The following BRWD1 variants were observed in gnomAD, a reference collection of about 807,000 sequenced individuals.
The protein encoded by BRWD1 is bromodomain and WD repeat-containing protein 1.
In BRWD1, 82 loss-of-function variants were observed where a neutral mutation model predicts 251.2. The ratio of observed to expected loss-of-function variants is 0.33; its 90% CI spans 0.27 to 0.39. The LOEUF is 0.39. Ranked by LOEUF, BRWD1 falls within the 10% of genes least tolerant of loss-of-function variation. The pLI is 1.00. For synonymous variants in BRWD1, 918 were observed against 902.8 expected (o/e 1.02, Z -0.30); for missense variants, 2,233 against 2,711.6 (o/e 0.82, Z 3.92).
At chr21:39,276,013 C>T (rs941759605) in intron 12 of BRWD1, among the ~76,000 whole-genome samples, 160 bp downstream of exon 12, 5 of 151,786 alleles carry the variant, frequency 3.3e-5, no homozygotes, top group South Asian at 2.1e-4. Context: ...GCCTGGGCAA[C>T]GAGAGCGAAA....
chr21:39,313,674 G>A (rs1261108858), upstream of BRWD1: 11 of 415,190 alleles, frequency 2.6e-5, no homozygotes, highest in Non-Finnish European at 4.1e-5. Flanking sequence ...TCCTCCGCGG[G>A]AGACGAAAAG....
At chr21:39,260,601 C>G (rs746401762) in intron 17 of BRWD1, among the ~76,000 whole-genome samples, 1 of 152,176 alleles carries the variant, frequency 6.6e-6, no homozygotes, top group Non-Finnish European at 1.5e-5. Flanking sequence ...CCATAAACAA[C>G]TACAATACTG....
At position 39,187,170 on chromosome 21, in the gene BRWD1, A is replaced by C. The variant is rs1448751487; in HGVS notation, c.*9089T>G. ...TCAGTAATTTTTTCTTAGCCGCAGC[A>C]GAAGCATTTCGATGGGGCAGTTTTC... On this transcript the variant is annotated 3_prime_UTR_variant, in exon 41 of 41. Transcript: ENST00000342449. 1.2e-6 allele frequency: 2 copies of C among 1,613,724 alleles called. No individual in the cohort carries two copies. Among genetic ancestry groups the C allele is most frequent in the Non-Finnish European group, 1.7e-6 (2 of 1,179,926 alleles).
intron 34 of BRWD1, among the ~76,000 whole-genome samples, chr21:39,211,880 TG>T (rs2032674762): frequency 1.3e-5 from 2 of 152,166 alleles, no homozygotes; most frequent in Admixed American, 1.3e-4. Context: ...TAAAATGATC[TG>T]GGCTAAAATG....
In BRWD1 at chr21:39,294,046, T is replaced by C. The variant is rs972975332; in HGVS notation, c.610-14A>G. 7.5e-6 allele frequency: 12 copies of C among 1,600,190 alleles called. No homozygotes were observed. The highest frequency in any genetic ancestry group is 1.0e-5 in the Non-Finnish European group (12 of 1,169,068). ...GTCATCTGAACCCTAAGAAAAAATA[T>C]ATCCAAAAATTAATGTTAGTACAGC... On this transcript the variant is annotated splice_polypyrimidine_tract_variant and intron_variant, in intron 7 of 40. Coordinates refer to ENST00000342449, the MANE Select transcript of BRWD1 (RefSeq NM_033656.4).
Position 39,224,544 on chromosome 21 carries a change from A to G in BRWD1, c.3321-75T>C, listed in dbSNP as rs560368924. 261 of 1,001,054 alleles carry G rather than the reference A, an allele frequency of 2.6e-4. 1 individual carries two copies. The highest frequency in any genetic ancestry group is 3.7e-4 in the Non-Finnish European group (246 of 661,250). The allele number at this position is 1,001,054 out of a possible 1,614,324, so 62.0% of individuals were successfully genotyped here. The stretch of plus-strand genomic sequence containing the variant: ...TGGATAATAGGTATCCATTATAAAA[A>G]TACAAAATGTGAAAATTAACCTCAC... On this transcript the variant is annotated intron_variant, in intron 28 of 40. Coordinates refer to ENST00000342449, the MANE Select transcript of BRWD1 (RefSeq NM_033656.4).
intron 19 of BRWD1, among the ~76,000 whole-genome samples, chr21:39,252,302 A>G (rs896790383): frequency 2.0e-5 from 3 of 152,118 alleles, no homozygotes; most frequent in Non-Finnish European, 4.4e-5. Flanking sequence ...TTATTGGATC[A>G]AGACAAACTA....
Position 39,187,514 on chromosome 21 carries a change from T to C in BRWD1, c.*8745A>G, listed in dbSNP as rs2031309638. 7.0e-7 allele frequency: 1 copy of C among 1,432,952 alleles called. No individual in the cohort carries two copies. The highest frequency in any genetic ancestry group is 3.0e-5 in the Admixed American group (1 of 32,814). 88.8% of individuals were successfully genotyped at this position (1,432,952 alleles called of 1,614,324 possible). A position where few individuals can be genotyped will look rare whatever the true frequency, so the allele number is the denominator to read the frequency against. ...CTCAACAACACTCATTCGGAAACAA[T>C]AAATTTAAAAGTCATATTGCTAAAT... On this transcript the variant is annotated 3_prime_UTR_variant, in exon 41 of 41. Transcript: ENST00000342449.
intron 21 of BRWD1, among the ~76,000 whole-genome samples, chr21:39,242,181 T>A (rs1682072487): frequency 6.6e-6 from 1 of 152,226 alleles, no homozygotes; most frequent in Non-Finnish European, 1.5e-5. Context: ...GTAGCCAAGT[T>A]GTGAATGCAA....
intron 31 of BRWD1, among the ~76,000 whole-genome samples, chr21:39,215,830 C>T (rs193130058): frequency 3.6e-4 from 55 of 152,084 alleles, no homozygotes; most frequent in African/African-American, 1.3e-3. Flanking sequence ...CCCAAATTTA[C>T]CAAAAATTAA....
chr21:39,205,131 G>A (rs939230345), intron 37 of BRWD1, among the ~76,000 whole-genome samples: 2 of 152,088 alleles, frequency 1.3e-5, no homozygotes, highest in African/African-American at 4.8e-5. Flanking sequence ...AGTCTTTTCA[G>A]AATGTACAGT....
At chr21:39,200,482 TTAC>T in intron 38 of BRWD1, 96 bp from the exon 39 acceptor site, 1 of 1,004,906 alleles carries the variant, frequency 1.0e-6, no homozygotes, top group South Asian at 2.3e-5. Flanking sequence ...TTACATAACA[TTAC>T]TACAAAAGCA....
At position 39,189,584 on chromosome 21, in the gene BRWD1, A is replaced by G. The variant is rs1235361737; in HGVS notation, c.*6675T>C. The G allele has an allele frequency of 3.1e-6, 3 of 983,542 alleles. No homozygotes were observed. Among genetic ancestry groups the G allele is most frequent in the Non-Finnish European group, 3.6e-6 (3 of 828,322 alleles). The allele number at this position is 983,542 out of a possible 1,614,324, so 60.9% of individuals were successfully genotyped here. A position where few individuals can be genotyped will look rare whatever the true frequency, so the allele number is the denominator to read the frequency against. ...GAGAATTTGAATTACACTGTACTCT[A>G]ACTTGATAAAGCTGAATCTCTTAAG... On this transcript the variant is annotated 3_prime_UTR_variant, in exon 41 of 41. Transcript: ENST00000342449.
rs1175256251 is a variant in BRWD1, at chr21:39,187,675, G to A, written c.*8584C>T. The A allele has an allele frequency of 2.4e-5, 24 of 985,180 alleles. 1 individual carries two copies. In the South Asian group the frequency reaches 3.8e-4, roughly 15 times the overall value. The allele number at this position is 985,180 out of a possible 1,614,324, so 61.0% of individuals were successfully genotyped here. ...TGGGGTGAAAAGTTCCTTCAGCATC[G>A]GCATCATAAAGCTGCTAATCTAAAA... On this transcript the variant is annotated 3_prime_UTR_variant, in exon 41 of 41. Coordinates refer to ENST00000342449, the MANE Select transcript of BRWD1 (RefSeq NM_033656.4).
intron 30 of BRWD1, 49 bp downstream of exon 30, chr21:39,218,456 G>GA (rs541404691): frequency 4.0e-6 from 6 of 1,494,402 alleles, no homozygotes; most frequent in Non-Finnish European, 4.5e-6. Flanking sequence ...ATACCTTTAT[G>GA]AAAAAAATTG....
intron 21 of BRWD1, among the ~76,000 whole-genome samples, chr21:39,243,457 T>A (rs1233287643): frequency 6.6e-6 from 1 of 152,174 alleles, no homozygotes; most frequent in East Asian, 1.9e-4. Flanking sequence ...CATTTTTTGT[T>A]TTTTTGACAC....
At chr21:39,299,010 G>A (rs1341869252) in intron 4 of BRWD1, among the ~76,000 whole-genome samples, 1 of 152,122 alleles carries the variant, frequency 6.6e-6, no homozygotes, top group Non-Finnish European at 1.5e-5. Context: ...GATCACTTGA[G>A]ATCAGGAGTT....
At chr21:39,313,874 C>A, upstream of BRWD1, 1 of 329,884 alleles carries the variant, frequency 3.0e-6, no homozygotes, top group Non-Finnish European at 5.7e-6. Flanking sequence ...AATCCCTGCG[C>A]GCAATGAGGC....
intron 15 of BRWD1, among the ~76,000 whole-genome samples, chr21:39,265,522 G>GA (rs1182368511): frequency 1.3e-5 from 2 of 152,116 alleles, no homozygotes; most frequent in Non-Finnish European, 1.5e-5. Context: ...AACTAGCCTA[G>GA]AAAAAAGTCT....
Sources: allele counts gnomAD v4.1 joint callset (sites outside exome capture counted in the v4.1 genomes callset), GRCh38; gene constraint gnomAD v4.1.1; transcripts MANE v1.5; gene names NCBI Gene and HGNC (gene_info 2026-07-23, HGNC 2026-07-21).